Variants in PSEN1 observed in about 807,000 individuals in gnomAD.
PSEN1 encodes the protein presenilin 1.
A neutral mutation model predicts 53.5 loss-of-function variants in PSEN1; 15 were observed. The ratio of observed to expected loss-of-function variants is 0.28; its 90% CI spans 0.19 to 0.43. The LOEUF (loss-of-function observed/expected upper bound fraction) is 0.43. Ranked by LOEUF, PSEN1 falls within the 20% of genes least tolerant of loss-of-function variation. PSEN1 has a pLI of 1.00. For synonymous variants in PSEN1, 208 were observed against 209.8 expected, an observed-to-expected ratio of 0.99 and a Z score of 0.08; for missense variants, 387 against 571.2, an observed-to-expected ratio of 0.68 and a Z score of 3.29.
intron 5 of PSEN1, among the ~76,000 whole-genome samples, chr14:73,186,187 C>T (rs775450575): frequency 6.6e-6 from 1 of 152,142 alleles, no homozygotes; most frequent in Non-Finnish European, 1.5e-5. Flanking sequence ...CGAGACCAGC[C>T]TGACCAACAT....
chr14:73,198,295 A>G (rs1199719152), intron 8 of PSEN1, among the ~76,000 whole-genome samples, 166 bp downstream of exon 8: 2 of 152,324 alleles, frequency 1.3e-5, no homozygotes, highest in East Asian at 1.9e-4. Context: ...ATTGTCTTCT[A>G]CCTGATGTTG....
intron 3 of PSEN1, among the ~76,000 whole-genome samples, chr14:73,162,443 G>GCA (rs1330469217): frequency 3.2e-4 from 46 of 142,378 alleles, no homozygotes; most frequent in African/African-American, 1.0e-3. Flanking sequence ...TCGCTCGCTC[G>GCA]CGCGCTCTCT....
intron 5 of PSEN1, among the ~76,000 whole-genome samples, chr14:73,181,780 G>A (rs983188627): frequency 1.3e-5 from 2 of 151,982 alleles, no homozygotes; most frequent in Non-Finnish European, 2.9e-5. Flanking sequence ...ATTTTGTTTC[G>A]TATTTTTTTT....
chr14:73,209,152 C>T (rs1899577318), intron 9 of PSEN1, among the ~76,000 whole-genome samples: 2 of 152,352 alleles, frequency 1.3e-5, no homozygotes, highest in African/African-American at 4.8e-5. Flanking sequence ...TCTACAGCCA[C>T]AGCTGGGAAG....
chr14:73,159,237 A>G (rs1016306135), intron 3 of PSEN1, among the ~76,000 whole-genome samples: 2 of 149,640 alleles, frequency 1.3e-5, no homozygotes, highest in Non-Finnish European at 3.0e-5. Context: ...GCTGGAGTAT[A>G]GTGGTGTGAT....
intron 6 of PSEN1, 58 bp from the exon 7 acceptor site, chr14:73,192,586 A>C (rs1270587295): frequency 8.2e-7 from 1 of 1,216,954 alleles, no homozygotes; most frequent in Non-Finnish European, 1.2e-6. Context: ...ATTATTCTAA[A>C]TAATGTTTTG....
intron 5 of PSEN1, among the ~76,000 whole-genome samples, chr14:73,184,090 G>T: frequency 7.7e-6 from 1 of 130,274 alleles, no homozygotes; most frequent in Non-Finnish European, 1.6e-5. Context: ...GGGGCGGCTG[G>T]CCGGGCGGGG....
chr14:73,200,304 C>G (rs1899126264), intron 8 of PSEN1, among the ~76,000 whole-genome samples: 1 of 152,096 alleles, frequency 6.6e-6, no homozygotes, highest in African/African-American at 2.4e-5. Context: ...CAGTCTCTCT[C>G]TGTCACCCAA....
chr14:73,143,940 G>A (rs1026800650), intron 1 of PSEN1, among the ~76,000 whole-genome samples: 6 of 121,690 alleles, frequency 4.9e-5, no homozygotes, highest in Non-Finnish European at 8.0e-5. Context: ...AGTGAGCTAT[G>A]ATTGCCACTG....
In PSEN1 at chr14:73,221,846, A is replaced by G. The variant is rs1392955994; in HGVS notation, c.*2557A>G. ...ACTGGAAAGAACAGTAGCAATTTCC[A>G]TAAGGATGTGCCTTCACTCACACGG... On this transcript the variant is annotated 3_prime_UTR_variant, in exon 12 of 12. Transcript: ENST00000324501. 3 of 152,226 alleles carry G rather than the reference A, an allele frequency of 2.0e-5. No homozygotes were observed. The highest frequency in any genetic ancestry group is 2.9e-5 in the Non-Finnish European group (2 of 68,030). 9.4% of individuals were successfully genotyped at this position (152,226 alleles called of 1,614,324 possible). A position where few individuals can be genotyped will look rare whatever the true frequency, so the allele number is the denominator to read the frequency against.
intron 6 of PSEN1, 97 bp from the exon 7 acceptor site, chr14:73,192,547 A>G (rs1898764421): frequency 1.2e-6 from 1 of 843,226 alleles, no homozygotes; most frequent in South Asian, 1.4e-5. Flanking sequence ...AAGGTGGGAT[A>G]TTAATATCTA....
At chr14:73,189,591 A>C (rs1390874981) in intron 6 of PSEN1, among the ~76,000 whole-genome samples, 2 of 152,218 alleles carry the variant, frequency 1.3e-5, no homozygotes, top group African/African-American at 4.8e-5. Flanking sequence ...CCACCTGGGC[A>C]ACAAGAGTGA....
At chr14:73,166,612 G>T (rs1897724974) in intron 3 of PSEN1, among the ~76,000 whole-genome samples, 1 of 152,176 alleles carries the variant, frequency 6.6e-6, no homozygotes, top group Non-Finnish European at 1.5e-5. Context: ...CTTGGCAGAT[G>T]ACTTAGTCAC....
At chr14:73,159,714 A>T (rs1897471068) in intron 3 of PSEN1, among the ~76,000 whole-genome samples, 1 of 152,218 alleles carries the variant, frequency 6.6e-6, no homozygotes, top group South Asian at 2.1e-4. Context: ...TGAAAAACTG[A>T]AACTCTATAC....
At position 73,222,749 on chromosome 14, in the gene PSEN1, C is replaced by T. The variant is rs1900141520; in HGVS notation, c.*3460C>T. On this transcript the variant is annotated 3_prime_UTR_variant, in exon 12 of 12. Transcript: ENST00000324501. ...GTATTTGTCAAATAACCACTTTTAA[C>T]AGTTACCATTACTGAGGGCTTATAC... is the stretch of plus-strand genomic sequence containing the variant. 6.6e-6 allele frequency: 1 copy of T among 152,228 alleles called. No homozygotes were observed. Among genetic ancestry groups the T allele is most frequent in the South Asian group, 2.1e-4 (1 of 4,836 alleles). 9.4% of individuals were successfully genotyped at this position (152,228 alleles called of 1,614,324 possible). A position where few individuals can be genotyped will look rare whatever the true frequency, so the allele number is the denominator to read the frequency against.
chr14:73,185,436 T>C, intron 5 of PSEN1, among the ~76,000 whole-genome samples: 1 of 152,146 alleles, frequency 6.6e-6, no homozygotes. Flanking sequence ...AAACCCCGTC[T>C]CCACCAAAAC....
intron 3 of PSEN1, among the ~76,000 whole-genome samples, chr14:73,167,360 G>A (rs1182214156): frequency 1.3e-5 from 2 of 152,176 alleles, no homozygotes; most frequent in Non-Finnish European, 2.9e-5. Context: ...GCTTATTGGA[G>A]TGTTTTAGAT....
In PSEN1 at chr14:73,220,796, T is replaced by A. The variant is rs1900104192; in HGVS notation, c.*1507T>A. The A allele has an allele frequency of 1.3e-5, 2 of 152,230 alleles. No homozygotes were observed. Among genetic ancestry groups the A allele is most frequent in the Admixed American group, 1.3e-4 (2 of 15,254 alleles). The allele number at this position is 152,230 out of a possible 1,614,324, so 9.4% of individuals were successfully genotyped here. A position where few individuals can be genotyped will look rare whatever the true frequency, so the allele number is the denominator to read the frequency against. ...CCATGGAGTTCAGGCTCTGGGCAGC[T>A]CAGTCAGGCAAAACACACAAACAGC... On this transcript the variant is annotated 3_prime_UTR_variant, in exon 12 of 12. Coordinates refer to ENST00000324501, the MANE Select transcript of PSEN1 (RefSeq NM_000021.4).
chr14:73,184,280 G>A (rs1898364897), intron 5 of PSEN1, among the ~76,000 whole-genome samples: 1 of 132,734 alleles, frequency 7.5e-6, no homozygotes, highest in Non-Finnish European at 1.6e-5. Flanking sequence ...TCCCGGACGG[G>A]GCGGCTGGCC....
Sources: gnomAD v4.1 joint callset for allele counts (sites outside exome capture counted in the v4.1 genomes callset) on GRCh38, gnomAD v4.1.1 for gene constraint, MANE v1.5 for transcripts, NCBI Gene and HGNC (gene_info 2026-07-23, HGNC 2026-07-21) for gene names.